The following CAMK1D variants were observed in gnomAD, a reference collection of about 807,000 sequenced individuals.
The protein encoded by CAMK1D is calcium/calmodulin dependent protein kinase ID, also known as calcium/calmodulin-dependent protein kinase type 1D.
CAMK1D carries 9 observed loss-of-function variants against 47.7 expected under a neutral mutation model. The observed-to-expected ratio is 0.19, with a 90% confidence interval of 0.11 to 0.33. The LOEUF is 0.33. Among genes scored for constraint, CAMK1D ranks in the 10% least tolerant of loss-of-function variants. CAMK1D has a pLI of 1.00. For missense variants in CAMK1D, 291 were observed against 488.7 expected (o/e 0.60, Z 3.81); for synonymous variants, 184 against 184.9 (o/e 0.99, Z 0.04).
intron 1 of CAMK1D, among the ~76,000 whole-genome samples, chr10:12,405,873 T>G (rs1367118853): frequency 6.6e-6 from 1 of 152,242 alleles, no homozygotes; most frequent in Non-Finnish European, 1.5e-5. Context: ...AGCAATAATT[T>G]GCCAGCCCTT....
chr10:12,355,926 G>A (rs1048284739), intron 1 of CAMK1D, among the ~76,000 whole-genome samples: 10 of 152,170 alleles, frequency 6.6e-5, no homozygotes, highest in African/African-American at 2.4e-4. Context: ...AGCCAAAGGG[G>A]ATGTGTGGGG....
intron 1 of CAMK1D, among the ~76,000 whole-genome samples, chr10:12,435,217 G>GT (rs1832593347): frequency 1.1e-5 from 1 of 91,384 alleles, no homozygotes; most frequent in Non-Finnish European, 2.0e-5. Context: ...GTGAAACTCT[G>GT]TCTCAAAAAA....
chr10:12,547,682 T>TCTCTCA (rs10643491), intron 1 of CAMK1D, among the ~76,000 whole-genome samples: 57 of 116,576 alleles, frequency 4.9e-4, no homozygotes, highest in Middle Eastern at 4.4e-3. Context: ...TTTCTCTCTC[T>TCTCTCA]CACACACACA....
Position 12,724,136 on chromosome 10 carries a change from C to T in CAMK1D, c.300-36812C>T, listed in dbSNP as rs551871150. ...CCCGAGGAGTTGGGATTACAGACGC[C>T]GGCCACCATGCCGGGCCAAATTTTT... is the stretch of plus-strand genomic sequence containing the variant. On this transcript the variant is annotated intron_variant, in intron 3 of 10. Coordinates refer to ENST00000619168, the MANE Select transcript of CAMK1D (RefSeq NM_153498.4). Among the ~76,000 whole-genome samples the T allele has an allele frequency of 1.1e-4, 17 of 152,310 alleles. No individual in the cohort carries two copies. The South Asian group carries it at 1.9e-3, about 17-fold the overall frequency.
intron 2 of CAMK1D, among the ~76,000 whole-genome samples, chr10:12,557,981 A>G (rs777388733): frequency 1.3e-5 from 2 of 152,252 alleles, no homozygotes; most frequent in Non-Finnish European, 2.9e-5. Flanking sequence ...CTTGATCAGT[A>G]GATATTAAAT....
At chr10:12,567,167 A>G (rs1044239222) in intron 2 of CAMK1D, among the ~76,000 whole-genome samples, 2 of 152,228 alleles carry the variant, frequency 1.3e-5, no homozygotes, top group South Asian at 2.1e-4. Context: ...TCGTGGAATG[A>G]TCTAGAAAAT....
chr10:12,625,139 C>G (rs1412205677), intron 2 of CAMK1D, among the ~76,000 whole-genome samples: 1 of 151,824 alleles, frequency 6.6e-6, no homozygotes, highest in Non-Finnish European at 1.5e-5. Context: ...GAGTTCGAGA[C>G]CAGCCTGGCC....
At chr10:12,425,961 T>G (rs1487223879) in intron 1 of CAMK1D, among the ~76,000 whole-genome samples, 2 of 152,248 alleles carry the variant, frequency 1.3e-5, no homozygotes, top group Admixed American at 1.3e-4. Context: ...CATCCTGCTA[T>G]TAAATAATTC....
intron 3 of CAMK1D, among the ~76,000 whole-genome samples, chr10:12,757,618 C>T (rs1407781780): frequency 6.6e-6 from 1 of 152,192 alleles, no homozygotes; most frequent in Non-Finnish European, 1.5e-5. Flanking sequence ...TAAGTCAGTG[C>T]TGGCTGCCAC....
chr10:12,643,296 C>T (rs572838353), intron 2 of CAMK1D, among the ~76,000 whole-genome samples: 19 of 152,256 alleles, frequency 1.2e-4, no homozygotes, highest in African/African-American at 4.3e-4. Context: ...CCATCGTGCC[C>T]GGCCACATTT....
intron 1 of CAMK1D, among the ~76,000 whole-genome samples, chr10:12,464,772 G>A (rs1833542177): frequency 1.3e-5 from 2 of 149,878 alleles, no homozygotes; most frequent in South Asian, 2.1e-4. Flanking sequence ...CCGAGATCTC[G>A]CCACTGCACT....
intron 9 of CAMK1D, among the ~76,000 whole-genome samples, chr10:12,824,934 C>G (rs547641372): frequency 5.9e-5 from 9 of 152,250 alleles, no homozygotes; most frequent in African/African-American, 2.2e-4. Context: ...CAGATTTAAA[C>G]CATGGAGGTT....
Position 12,553,282 on chromosome 10 carries a change from T to C in CAMK1D, c.150T>C (p.Ala50=). Residue 50 remains alanine (A), a synonymous_variant, in exon 2 of 11, where the codon GCT becomes GCC. Coordinates refer to ENST00000619168, the MANE Select transcript of CAMK1D (RefSeq NM_153498.4). The stretch of plus-strand genomic sequence containing the variant: ...AGAAGGCAACTGGCAAGCTCTTTGC[T>C]GTGAAGTGTATCCCTAAGAAGGCGC... ...AEEKATGKLF[A]VKCIPKKALK... 2 of 1,614,178 alleles carry C rather than the reference T, an allele frequency of 1.2e-6. No individual in the cohort carries two copies. The highest frequency in any genetic ancestry group is 1.7e-6 in the Non-Finnish European group (2 of 1,180,030).
chr10:12,591,196 C>T (rs1482238717), intron 2 of CAMK1D, among the ~76,000 whole-genome samples: 1 of 152,182 alleles, frequency 6.6e-6, no homozygotes, highest in Non-Finnish European at 1.5e-5. Context: ...ATGGCCAGAT[C>T]TTATATAAAA....
At chr10:12,748,355 G>T (rs529352711) in intron 3 of CAMK1D, among the ~76,000 whole-genome samples, 4 of 152,188 alleles carry the variant, frequency 2.6e-5, no homozygotes, top group Non-Finnish European at 5.9e-5. Context: ...AAACTCATGC[G>T]GTTGCAGGCA....
intron 1 of CAMK1D, among the ~76,000 whole-genome samples, chr10:12,437,952 A>C (rs1486082684): frequency 6.6e-6 from 1 of 152,184 alleles, no homozygotes; most frequent in Non-Finnish European, 1.5e-5. Context: ...GTTCTTACTG[A>C]GAGCTGGTCA....
chr10:12,601,280 C>A (rs1363012725), intron 2 of CAMK1D, among the ~76,000 whole-genome samples: 1 of 150,286 alleles, frequency 6.7e-6, no homozygotes, highest in Non-Finnish European at 1.5e-5. Flanking sequence ...ATAATGTGAG[C>A]AAGTTTTCAT....
chr10:12,766,285 G>A (rs1242051823), intron 4 of CAMK1D, among the ~76,000 whole-genome samples: 18 of 49,690 alleles, frequency 3.6e-4, no homozygotes, highest in African/African-American at 1.1e-3. Flanking sequence ...CCCTGGCCCC[G>A]TGCCCTGCCA....
chr10:12,473,955 G>A (rs1223823205), intron 1 of CAMK1D, among the ~76,000 whole-genome samples: 1 of 152,116 alleles, frequency 6.6e-6, no homozygotes, highest in East Asian at 1.9e-4. Context: ...GGCAATTCTG[G>A]AACCTATTTT....
Sources: allele counts gnomAD v4.1 joint callset (sites outside exome capture counted in the v4.1 genomes callset), GRCh38; gene constraint gnomAD v4.1.1; transcripts MANE v1.5; gene names NCBI Gene and HGNC (gene_info 2026-07-23, HGNC 2026-07-21).